Variants in DYRK1A observed in about 807,000 individuals in gnomAD.
The protein encoded by DYRK1A is dual specificity tyrosine phosphorylation regulated kinase 1A.
Under a neutral mutation model 79.7 loss-of-function variants are expected in DYRK1A, and 9 were observed. The ratio of observed to expected loss-of-function variants is 0.11; its 90% confidence interval spans 0.07 to 0.20. The LOEUF (loss-of-function observed/expected upper bound fraction) is 0.20, where lower values mean the gene tolerates loss of function less well. Among genes scored for constraint, DYRK1A ranks in the 10% least tolerant of loss-of-function variants. DYRK1A has a pLI of 1.00. For synonymous variants in DYRK1A, 349 were observed against 329.7 expected, an observed-to-expected ratio of 1.06 and a Z score of -0.63; for missense variants, 622 against 956.0, an observed-to-expected ratio of 0.65 and a Z score of 4.61.
chr21:37,396,695 T>C (rs1217642984), intron 1 of DYRK1A, among the ~76,000 whole-genome samples: 2 of 152,176 alleles, frequency 1.3e-5, no homozygotes, highest in African/African-American at 4.8e-5. Context: ...GTTTATAAAC[T>C]TGAAGAATTG....
intron 2 of DYRK1A, among the ~76,000 whole-genome samples, chr21:37,462,644 T>G (rs759268336): frequency 1.4e-4 from 21 of 152,206 alleles, no homozygotes; most frequent in Non-Finnish European, 2.5e-4. Flanking sequence ...TTGATGGAGC[T>G]CCTTCTCTTT....
At chr21:37,444,080 CT>C (rs557214877) in intron 2 of DYRK1A, among the ~76,000 whole-genome samples, 1 of 152,278 alleles carries the variant, frequency 6.6e-6, no homozygotes, top group South Asian at 2.1e-4. Flanking sequence ...GCCCCCGTTC[CT>C]TTCTTCTGCT....
chr21:37,417,536 T>TTTTCTTTTTCTTTTTC (rs1569304627), intron 1 of DYRK1A, among the ~76,000 whole-genome samples: 5 of 105,100 alleles, frequency 4.8e-5, no homozygotes, highest in Admixed American at 1.9e-4. Context: ...TTTCTTTTTT[T>TTTTCTTTTTCTTTTTC]TTTTTTTTTT....
chr21:37,479,608 T>G (rs1290853504), intron 4 of DYRK1A, among the ~76,000 whole-genome samples: 2 of 70,044 alleles, frequency 2.9e-5, no homozygotes, highest in Admixed American at 1.6e-4. Context: ...TTGTTTTTGT[T>G]TTTGTTTTTT....
In DYRK1A at chr21:37,516,328, T is replaced by C. The variant is rs1464720604; in HGVS notation, c.*3797T>C. ...AGACTTCATTCAGATTTCTTAAAAA[T>C]CTGCTAGGGATGTCTGTTGACCAGA... is the stretch of plus-strand genomic sequence containing the variant. On this transcript the variant is annotated 3_prime_UTR_variant, in exon 12 of 12. Coordinates refer to ENST00000647188, the MANE Select transcript of DYRK1A (RefSeq NM_001347721.2). The C allele has an allele frequency of 6.6e-6, 1 of 152,208 alleles. No individual in the cohort carries two copies. Among genetic ancestry groups the C allele is most frequent in the Non-Finnish European group, 1.5e-5 (1 of 68,028 alleles). 9.4% of individuals were successfully genotyped at this position (152,208 alleles called of 1,614,324 possible). A position where few individuals can be genotyped will look rare whatever the true frequency, so the allele number is the denominator to read the frequency against.
chr21:37,451,593 A>T (rs1482593177), intron 2 of DYRK1A, among the ~76,000 whole-genome samples: 1 of 149,832 alleles, frequency 6.7e-6, no homozygotes, highest in Non-Finnish European at 1.5e-5. Context: ...AGTAGGCTCC[A>T]CCGTCTAGCG....
chr21:37,506,052 T>G (rs1404320507), intron 10 of DYRK1A, 47 bp from the exon 11 acceptor site: 1 of 1,575,310 alleles, frequency 6.3e-7, no homozygotes, highest in East Asian at 2.3e-5. Flanking sequence ...TTGAACAAAA[T>G]GAATTTTAAA....
chr21:37,468,587 A>G (rs1366377263), intron 2 of DYRK1A, among the ~76,000 whole-genome samples: 4 of 152,202 alleles, frequency 2.6e-5, no homozygotes, highest in Admixed American at 1.3e-4. Flanking sequence ...GTGATTTATG[A>G]TAAGGATGGG....
Position 37,472,853 on chromosome 21 carries a change from C to T in DYRK1A, c.180C>T (p.Asp60=). 1 of 1,590,816 alleles carries T rather than the reference C, an allele frequency of 6.3e-7. No individual in the cohort carries two copies. The highest frequency in any genetic ancestry group is 8.6e-7 in the Non-Finnish European group (1 of 1,164,574). ...AGGTTTCTGCCTTATCATATTCTGA[C>T]CAGATTCAGCAACCTCTAACTAACC... ...DQQVSALSYS[D]QIQQPLTNQR... The change falls in exon 3 of 12, where the codon GAC becomes GAT. Residue 60 remains aspartate (D), a synonymous_variant. Coordinates refer to ENST00000647188, the MANE Select transcript of DYRK1A (RefSeq NM_001347721.2).
intron 2 of DYRK1A, among the ~76,000 whole-genome samples, chr21:37,429,275 C>T (rs1195237437): frequency 6.6e-6 from 1 of 152,154 alleles, no homozygotes; most frequent in Non-Finnish European, 1.5e-5. Flanking sequence ...CTACTGGTTG[C>T]AGCCAGCTCT....
intron 2 of DYRK1A, chr21:37,428,990 C>T (rs1225741432): frequency 6.6e-6 from 1 of 152,152 alleles, no homozygotes; most frequent in Admixed American, 6.6e-5. Flanking sequence ...GAATACCAGG[C>T]TACTTAATGG....
chr21:37,398,516 C>G (rs1358020439), intron 1 of DYRK1A, among the ~76,000 whole-genome samples: 1 of 152,132 alleles, frequency 6.6e-6, no homozygotes, highest in Non-Finnish European at 1.5e-5. Context: ...ATTAAACAGA[C>G]TCAGAAAAAG....
chr21:37,504,186 T>C (rs533653910), intron 9 of DYRK1A: 4 of 152,324 alleles, frequency 2.6e-5, no homozygotes, highest in African/African-American at 9.6e-5. Context: ...TTCAGCAGTG[T>C]TTGTGTCTTT....
chr21:37,418,455 T>G (rs1417936628), intron 1 of DYRK1A, among the ~76,000 whole-genome samples: 1 of 152,226 alleles, frequency 6.6e-6, no homozygotes, highest in African/African-American at 2.4e-5. Flanking sequence ...TCTACTGTCT[T>G]ACAAAGAACT....
At chr21:37,435,611 CAGGT>C (rs1222592008) in intron 2 of DYRK1A, among the ~76,000 whole-genome samples, 4 of 152,252 alleles carry the variant, frequency 2.6e-5, no homozygotes, top group East Asian at 1.9e-4. Flanking sequence ...AAATATAACT[CAGGT>C]AGCAGCACTA....
At position 37,522,224 on chromosome 21, in the gene DYRK1A, T is replaced by C. The variant is rs553737817; in HGVS notation, c.*9693T>C. 3.9e-5 allele frequency: 6 copies of C among 152,314 alleles called. No homozygotes were observed. In the South Asian group the frequency reaches 1.2e-3, roughly 32 times the overall value. 9.4% of individuals were successfully genotyped at this position (152,314 alleles called of 1,614,324 possible). ...ACATTAGCATCACCTGGGTGCTTGC[T>C]AGCAATGCAAAATCTCAGGCCCCAG... On this transcript the variant is annotated 3_prime_UTR_variant, in exon 12 of 12. Transcript: ENST00000647188.
intron 2 of DYRK1A, among the ~76,000 whole-genome samples, chr21:37,453,664 T>C (rs962396930): frequency 3.3e-5 from 5 of 152,220 alleles, no homozygotes; most frequent in Non-Finnish European, 5.9e-5. Context: ...TTTAAGAGAC[T>C]TAACTCCAGT....
chr21:37,417,523 CT>C (rs1378320554), intron 1 of DYRK1A, among the ~76,000 whole-genome samples: 4 of 47,160 alleles, frequency 8.5e-5, no homozygotes, highest in African/African-American at 3.9e-4. Context: ...TTTTCTTTTT[CT>C]TTTTCTTTTT....
chr21:37,460,185 G>A (rs968479698), intron 2 of DYRK1A, among the ~76,000 whole-genome samples: 3 of 151,836 alleles, frequency 2.0e-5, no homozygotes, highest in Non-Finnish European at 4.4e-5. Context: ...TCAATTGTCA[G>A]TTAATACCTA....
Sources: gnomAD v4.1 joint callset for allele counts (sites outside exome capture counted in the v4.1 genomes callset) on GRCh38, gnomAD v4.1.1 for gene constraint, MANE v1.5 for transcripts, NCBI Gene and HGNC (gene_info 2026-07-23, HGNC 2026-07-21) for gene names.